The following DLEU7 variants were observed in gnomAD, a reference collection of about 807,000 sequenced individuals.
The protein encoded by DLEU7 is deleted in lymphocytic leukemia 7, also known as leukemia-associated protein 7.
Under a neutral mutation model 16.0 loss-of-function variants are expected in DLEU7, and 17 were observed. The ratio of observed to expected loss-of-function variants is 1.06; its 90% confidence interval spans 0.73 to 1.59. The LOEUF (loss-of-function observed/expected upper bound fraction) is 1.59. Among genes scored for constraint, DLEU7 ranks in the 40% most tolerant of loss-of-function variants. The probability of loss-of-function intolerance (pLI) is 0.00; values close to 1 mark genes in which losing one functional copy is unlikely to be tolerated. For missense variants in DLEU7, 308 were observed against 314.9 expected (o/e 0.98, Z 0.17); for synonymous variants, 113 against 139.8 (o/e 0.81, Z 1.35).
intron 1 of DLEU7, chr13:50,723,260 T>A (rs1044461693): frequency 3.3e-5 from 5 of 152,180 alleles, no homozygotes; most frequent in Admixed American, 6.5e-5. Context: ...CAATTGTATT[T>A]TATAATTAGC....
At chr13:50,836,791 C>T (rs991357162) in intron 1 of DLEU7, among the ~76,000 whole-genome samples, 2 of 152,198 alleles carry the variant, frequency 1.3e-5, no homozygotes, top group African/African-American at 4.8e-5. Flanking sequence ...AAGTTGCTCT[C>T]CATTAAAGCA....
intron 1 of DLEU7, among the ~76,000 whole-genome samples, chr13:50,750,033 T>C (rs1177645880): frequency 1.3e-5 from 2 of 152,302 alleles, no homozygotes; most frequent in East Asian, 3.9e-4. Flanking sequence ...AAAGGGTTTT[T>C]TCAGTGTTAT....
intron 1 of DLEU7, among the ~76,000 whole-genome samples, chr13:50,763,492 TAGAA>T (rs2137747779): frequency 1.3e-5 from 2 of 152,004 alleles, no homozygotes; most frequent in South Asian, 2.1e-4. Context: ...AAGATGAACA[TAGAA>T]AGAAAAGTGC....
chr13:50,714,744 G>C (rs995670474), intron 1 of DLEU7, among the ~76,000 whole-genome samples: 3 of 152,156 alleles, frequency 2.0e-5, no homozygotes, highest in African/African-American at 7.2e-5. Context: ...CAAATAAGAG[G>C]GGGCCTTCAG....
intron 1 of DLEU7, chr13:50,715,382 C>A (rs1873412662): frequency 6.6e-6 from 1 of 152,244 alleles, no homozygotes; most frequent in Non-Finnish European, 1.5e-5. Flanking sequence ...AAAAGGACAT[C>A]TTTGGTGGGG....
rs1593391483 is a variant in DLEU7, at chr13:50,775,726, A to G, written c.460-62486T>C. ...ATATAAATGTGAATTTCACTCAGTA[A>G]GGGTCAAATCCCCACCAGTTTCTGC... On this transcript the variant is annotated intron_variant, in intron 1 of 1. Transcript: ENST00000400393. 2.0e-5 allele frequency among the ~76,000 whole-genome samples: 3 copies of G among 152,360 alleles called. 1 individual carries two copies. The South Asian group carries it at 6.2e-4, about 32-fold the overall frequency.
chr13:50,750,892 CT>C (rs1427701066), intron 1 of DLEU7, among the ~76,000 whole-genome samples: 1 of 152,150 alleles, frequency 6.6e-6, no homozygotes, highest in Non-Finnish European at 1.5e-5. Context: ...ACAGGACAGT[CT>C]GACTTCCTCT....
intron 1 of DLEU7, among the ~76,000 whole-genome samples, chr13:50,753,369 T>C (rs961103664): frequency 6.6e-6 from 1 of 152,150 alleles, no homozygotes; most frequent in Non-Finnish European, 1.5e-5. Context: ...GCGGCGCTCG[T>C]TGGGGAGGCT....
At chr13:50,733,742 A>G (rs1378397394) in intron 1 of DLEU7, among the ~76,000 whole-genome samples, 2 of 152,330 alleles carry the variant, frequency 1.3e-5, no homozygotes, top group Non-Finnish European at 1.5e-5. Flanking sequence ...TTAACAAAAT[A>G]ATAATAGTAA....
chr13:50,818,800 G>A (rs551341978), downstream of DLEU7, among the ~76,000 whole-genome samples: 3 of 152,074 alleles, frequency 2.0e-5, no homozygotes, highest in African/African-American at 4.8e-5. Context: ...CTGTGGGCCC[G>A]TCACTGTACT....
At chr13:50,825,342 G>A (rs1035490522) in intron 1 of DLEU7, among the ~76,000 whole-genome samples, 7 of 152,018 alleles carry the variant, frequency 4.6e-5, no homozygotes, top group East Asian at 1.9e-4. Context: ...AATGCAGTAC[G>A]TTTGTACTTT....
At chr13:50,717,577 T>TG (rs1443562201) in intron 1 of DLEU7, among the ~76,000 whole-genome samples, 1 of 148,894 alleles carries the variant, frequency 6.7e-6, no homozygotes, top group African/African-American at 2.5e-5. Flanking sequence ...AGCTAGGCTG[T>TG]GGGTTTTTTT....
At chr13:50,805,296 T>C (rs1876358061) in intron 1 of DLEU7, among the ~76,000 whole-genome samples, 1 of 152,176 alleles carries the variant, frequency 6.6e-6, no homozygotes, top group Admixed American at 6.5e-5. Context: ...ATCAAATGTC[T>C]CTCAGCATCT....
intron 1 of DLEU7, among the ~76,000 whole-genome samples, chr13:50,756,803 C>G (rs1316424313): frequency 6.6e-6 from 1 of 152,144 alleles, no homozygotes; most frequent in Non-Finnish European, 1.5e-5. Context: ...GTGTTTTCCC[C>G]CATACCTCTG....
downstream of DLEU7, among the ~76,000 whole-genome samples, chr13:50,820,349 C>CTATA (rs1876862865): frequency 6.6e-6 from 1 of 151,220 alleles, no homozygotes; most frequent in South Asian, 2.1e-4. Context: ...ATTGGAGATA[C>CTATA]TATAACATAA....
Position 50,754,246 on chromosome 13 carries a change from C to T in DLEU7, c.460-41006G>A, listed in dbSNP as rs559729037. 1.2e-4 allele frequency among the ~76,000 whole-genome samples: 18 copies of T among 152,258 alleles called. No homozygotes were observed. In the South Asian group the frequency reaches 3.5e-3, roughly 30 times the overall value. The stretch of plus-strand genomic sequence containing the variant: ...CCTTGTTGAGTTTCTGTCTTGACGA[C>T]CTGTCTAGTGCTATCAGTGGAGTAT... On this transcript the variant is annotated intron_variant, in intron 1 of 1. Transcript: ENST00000400393.
intron 1 of DLEU7, among the ~76,000 whole-genome samples, chr13:50,714,509 G>GAA (rs558639450): frequency 6.6e-6 from 1 of 151,454 alleles, no homozygotes; most frequent in East Asian, 1.9e-4. Context: ...TTTGAGCTGA[G>GAA]AAAAAAAAAT....
downstream of DLEU7, among the ~76,000 whole-genome samples, chr13:50,821,599 G>T (rs74078455): frequency 2.0e-5 from 3 of 152,096 alleles, no homozygotes; most frequent in East Asian, 1.9e-4. Flanking sequence ...GTTCATGGAG[G>T]GGGTGGTGGG....
At chr13:50,833,401 A>G (rs1566268118) in intron 1 of DLEU7, among the ~76,000 whole-genome samples, 1 of 151,796 alleles carries the variant, frequency 6.6e-6, no homozygotes, top group Non-Finnish European at 1.5e-5. Context: ...TTATACACCA[A>G]TAACAGAGAG....
Sources: allele counts gnomAD v4.1 joint callset (sites outside exome capture counted in the v4.1 genomes callset), GRCh38; gene constraint gnomAD v4.1.1; transcripts MANE v1.5; gene names NCBI Gene and HGNC (gene_info 2026-07-23, HGNC 2026-07-21).